PNPLA1: variants seen among roughly 807,000 people sequenced by gnomAD.
PNPLA1 encodes patatin like domain 1, omega-hydroxyceramide transacylase, also known as omega-hydroxyceramide transacylase.
PNPLA1 carries 36 observed loss-of-function variants against 51.7 expected under a neutral mutation model. The observed-to-expected ratio is 0.70, with a 90% CI of 0.53 to 0.92. PNPLA1 has a LOEUF of 0.92. Ranked by LOEUF, PNPLA1 falls within the 40% of genes least tolerant of loss-of-function variation. The pLI is 0.00. For missense variants in PNPLA1, 658 were observed against 682.5 expected, an observed-to-expected ratio of 0.96 and a Z score of 0.40; for synonymous variants, 293 against 280.1, an observed-to-expected ratio of 1.05 and a Z score of -0.46.
intron 6 of PNPLA1, 23 bp from the exon 7 acceptor site, chr6:36,306,269 G>A (rs1201711751): frequency 6.3e-6 from 10 of 1,582,040 alleles, no homozygotes; most frequent in African/African-American, 4.1e-5. Flanking sequence ...TCTCACTCCC[G>A]TTTCCTATAT....
intron 1 of PNPLA1, among the ~76,000 whole-genome samples, chr6:36,258,570 A>G (rs1328450577): frequency 1.3e-5 from 2 of 152,178 alleles, no homozygotes; most frequent in Non-Finnish European, 2.9e-5. Flanking sequence ...CTCAGCCACT[A>G]CTGAATGCAA....
At chr6:36,310,014 C>T (rs1250215827) in intron 8 of PNPLA1, among the ~76,000 whole-genome samples, 2 of 151,658 alleles carry the variant, frequency 1.3e-5, no homozygotes, top group African/African-American at 4.9e-5. Flanking sequence ...GTCCCATACA[C>T]TAATCAGTGT....
At chr6:36,280,318 G>A (rs927362827) in intron 1 of PNPLA1, among the ~76,000 whole-genome samples, 4 of 152,210 alleles carry the variant, frequency 2.6e-5, no homozygotes, top group African/African-American at 9.7e-5. Flanking sequence ...CAGGAATTCT[G>A]TGTGGCCCCG....
At position 36,294,280 on chromosome 6, in the gene PNPLA1, A is replaced by G. The variant is rs773814246; in HGVS notation, c.595A>G (p.Ile199Val). The change falls in exon 4 of 9, where the codon ATC becomes GTC. Residue 199 changes from isoleucine to valine, a missense_variant. Ile to Val is a conservative substitution (Grantham distance 29). Coordinates refer to ENST00000636260, the MANE Select transcript of PNPLA1 (RefSeq NM_001374623.1). This position sits in a 1 kb window ranked among gnomAD's most constrained non-coding sequence, Gnocchi z 4.2. ...CTCCACCTTCAGTGGGCAGCAGGAC[A>G]TCTGTCCCCGGGACTGCCCGGCCAT... ...TISTFSGQQD[I>V]CPRDCPAIFH... 1.2e-6 allele frequency: 2 copies of G among 1,614,218 alleles called. No individual in the cohort carries two copies. The highest frequency in any genetic ancestry group is 8.5e-7 in the Non-Finnish European group (1 of 1,180,030).
chr6:36,255,534 G>A (rs1303979489), intron 1 of PNPLA1, among the ~76,000 whole-genome samples: 4 of 149,832 alleles, frequency 2.7e-5, no homozygotes, highest in Admixed American at 6.7e-5. Context: ...AAACAAAAAC[G>A]AAATTGGCCA....
chr6:36,287,975 T>C (rs193046669), intron 1 of PNPLA1, among the ~76,000 whole-genome samples: 3 of 152,326 alleles, frequency 2.0e-5, no homozygotes, highest in East Asian at 1.9e-4. Flanking sequence ...TGTGAGTACT[T>C]TGGAATGTCG....
intron 1 of PNPLA1, among the ~76,000 whole-genome samples, chr6:36,280,799 T>C (rs1298321814): frequency 2.0e-5 from 3 of 152,204 alleles, no homozygotes; most frequent in African/African-American, 7.2e-5. Context: ...GTTATTGTTG[T>C]TGTTGTTTGA....
chr6:36,269,702 C>T (rs954931091), upstream of PNPLA1, among the ~76,000 whole-genome samples: 5 of 152,056 alleles, frequency 3.3e-5, no homozygotes, highest in Admixed American at 6.5e-5. Flanking sequence ...GGTGCAGAGG[C>T]GGTGGTGGGT....
intron 1 of PNPLA1, among the ~76,000 whole-genome samples, chr6:36,273,034 C>A (rs1178242933): frequency 5.3e-5 from 8 of 151,610 alleles, no homozygotes; most frequent in African/African-American, 1.9e-4. Context: ...ACAGGTGGAT[C>A]AGGGGTTCAA....
chr6:36,283,830 C>A (rs1436416645), intron 1 of PNPLA1, among the ~76,000 whole-genome samples: 1 of 152,160 alleles, frequency 6.6e-6, no homozygotes, highest in East Asian at 1.9e-4. Flanking sequence ...GTTGCATCAT[C>A]CCAGTGTCCC....
chr6:36,295,695 A>G (rs1770839254), intron 5 of PNPLA1, among the ~76,000 whole-genome samples: 1 of 152,226 alleles, frequency 6.6e-6, no homozygotes, highest in Non-Finnish European at 1.5e-5. Flanking sequence ...ATGCTTATGA[A>G]TGTAAAAACT....
At chr6:36,300,511 A>G (rs193204701) in intron 5 of PNPLA1, among the ~76,000 whole-genome samples, 2 of 152,184 alleles carry the variant, frequency 1.3e-5, no homozygotes, top group African/African-American at 4.8e-5. Flanking sequence ...AGAGTTGACT[A>G]TCGGTCAGGT....
intron 7 of PNPLA1, 120 bp downstream of exon 7, chr6:36,306,496 G>A (rs925875610): frequency 6.1e-6 from 5 of 824,710 alleles, no homozygotes; most frequent in African/African-American, 5.2e-5. Context: ...TCTGGTGTGT[G>A]TGATTGTGTG....
In PNPLA1 at chr6:36,291,555, A is replaced by G; in HGVS notation, c.438+3A>G. ...CGTCCAAGGAGGAGCTCATTGAGGC[A>G]AGGGGGCTGGGCTGGGAGGGAGGGA... is the stretch of plus-strand genomic sequence containing the variant. On this transcript the variant is annotated splice_donor_region_variant and intron_variant, in intron 2 of 8. Coordinates refer to ENST00000636260, the MANE Select transcript of PNPLA1 (RefSeq NM_001374623.1). 2 of 508,738 alleles carry G rather than the reference A, an allele frequency of 3.9e-6. No individual in the cohort carries two copies. The highest frequency in any genetic ancestry group is 6.5e-6 in the Non-Finnish European group (2 of 306,354). 31.5% of individuals were successfully genotyped at this position (508,738 alleles called of 1,614,324 possible). A position where few individuals can be genotyped will look rare whatever the true frequency, so the allele number is the denominator to read the frequency against.
intron 1 of PNPLA1, among the ~76,000 whole-genome samples, chr6:36,244,040 G>T (rs1302056079): frequency 6.6e-6 from 1 of 152,158 alleles, no homozygotes. Context: ...AGGTCACACA[G>T]CTGGGAAGCA....
In PNPLA1 at chr6:36,248,408, C is replaced by T. The variant is rs569951665; in HGVS notation, c.-81+5147C>T. Among the ~76,000 whole-genome samples, 120 of 152,236 alleles carry T rather than the reference C, an allele frequency of 7.9e-4. 3 individuals carry two copies. The South Asian group carries it at 0.019, about 25-fold the overall frequency. ...ATTTTATTGAGACACAAGGAAATTG[C>T]GTAACCACACACATTATTAGGAAGT... is the stretch of plus-strand genomic sequence containing the variant. On this transcript the variant is annotated intron_variant, in intron 1 of 7. Transcript: ENST00000312917.
intron 1 of PNPLA1, among the ~76,000 whole-genome samples, chr6:36,273,221 C>A (rs1466513089): frequency 6.6e-6 from 1 of 151,356 alleles, no homozygotes; most frequent in Non-Finnish European, 1.5e-5. Context: ...GCCTGGGTAA[C>A]AAAGCCAGAC....
At chr6:36,265,949 A>G (rs747601070), upstream of PNPLA1, among the ~76,000 whole-genome samples, 3 of 152,126 alleles carry the variant, frequency 2.0e-5, no homozygotes, top group Non-Finnish European at 4.4e-5. Context: ...AGGTTATAAA[A>G]AGGCTGCAGC....
At chr6:36,291,643 C>A in intron 2 of PNPLA1, 91 bp downstream of exon 2, 2 of 1,091,050 alleles carry the variant, frequency 1.8e-6, no homozygotes, top group Non-Finnish European at 2.6e-6. Context: ...GATGCCTTAT[C>A]CACCTGCCTC....
Sources: allele counts gnomAD v4.1 joint callset (sites outside exome capture counted in the v4.1 genomes callset), GRCh38; gene constraint gnomAD v4.1.1; non-coding constraint Gnocchi (gnomAD v3.1); transcripts MANE v1.5; gene names NCBI Gene and HGNC (gene_info 2026-07-23, HGNC 2026-07-21).